FHOD3: variants seen among roughly 807,000 people sequenced by gnomAD.
FHOD3 encodes formin homology 2 domain containing 3.
In FHOD3, 90 loss-of-function variants were observed where a neutral mutation model predicts 173.0. The ratio of observed to expected loss-of-function variants is 0.52; its 90% CI spans 0.44 to 0.62. The LOEUF (loss-of-function observed/expected upper bound fraction) is 0.62, where lower values mean the gene tolerates loss of function less well. Ranked by LOEUF, FHOD3 falls within the 20% of genes least tolerant of loss-of-function variation. FHOD3 has a pLI of 0.00. For synonymous variants in FHOD3, 828 were observed against 823.0 expected (o/e 1.01, Z -0.10); for missense variants, 1,945 against 2,034.7 (o/e 0.96, Z 0.85).
intron 1 of FHOD3, among the ~76,000 whole-genome samples, chr18:36,335,435 C>T (rs1322509278): frequency 1.3e-5 from 2 of 149,656 alleles, no homozygotes; most frequent in African/African-American, 5.0e-5. Context: ...GCAGAGCTTG[C>T]AGTGAGCCGA....
intron 6 of FHOD3, among the ~76,000 whole-genome samples, chr18:36,579,487 T>C (rs2058769868): frequency 6.6e-6 from 1 of 152,174 alleles, no homozygotes; most frequent in African/African-American, 2.4e-5. Context: ...ACATAGAGAA[T>C]GCTGTGGTCT....
At position 36,641,753 on chromosome 18, in the gene FHOD3, C is replaced by T. The variant is rs895834154; in HGVS notation, c.1197-7563C>T. Reference sequence around the variant, plus strand: ...GGTGGATCACTTGAAGTCAGGAGTTCGAGACCAGCCTGGCCAACATGGTGA... The same window carrying T: ...GGTGGATCACTTGAAGTCAGGAGTTTGAGACCAGCCTGGCCAACATGGTGA... On this transcript the variant is annotated intron_variant, in intron 10 of 28. Transcript: ENST00000590592. Among the ~76,000 whole-genome samples the T allele has an allele frequency of 1.4e-4, 22 of 152,094 alleles. 1 individual carries two copies. Among genetic ancestry groups the T allele is most frequent in the African/African-American group, 5.1e-4 (21 of 41,476 alleles).
At chr18:36,666,024 A>G (rs2037157515) in intron 14 of FHOD3, among the ~76,000 whole-genome samples, 1 of 152,238 alleles carries the variant, frequency 6.6e-6, no homozygotes, top group African/African-American at 2.4e-5. Context: ...GTCAGGGCCT[A>G]CAAAGGGGCC....
chr18:36,630,118 A>G (rs2148849883), intron 10 of FHOD3, among the ~76,000 whole-genome samples: 1 of 152,284 alleles, frequency 6.6e-6, no homozygotes, highest in African/African-American at 2.4e-5. Context: ...GGCTATTGGA[A>G]AGGGTAGTTT....
chr18:36,711,512 C>A (rs1259493452), intron 18 of FHOD3: 2 of 152,166 alleles, frequency 1.3e-5, no homozygotes, highest in African/African-American at 4.8e-5. Context: ...TGAATGTCAG[C>A]TTTGTGAGGG....
chr18:36,493,852 A>T (rs978288241), intron 3 of FHOD3, among the ~76,000 whole-genome samples: 1 of 152,198 alleles, frequency 6.6e-6, no homozygotes, highest in Non-Finnish European at 1.5e-5. Context: ...CCCTGAGCAG[A>T]GGAGAGGCTC....
chr18:36,728,855 G>T (rs1295948072), intron 19 of FHOD3, among the ~76,000 whole-genome samples: 1 of 152,182 alleles, frequency 6.6e-6, no homozygotes, highest in African/African-American at 2.4e-5. Context: ...ATGATGAGTG[G>T]CAGTCAGTTG....
chr18:36,472,964 T>A (rs1316155029), intron 3 of FHOD3, among the ~76,000 whole-genome samples: 1 of 152,206 alleles, frequency 6.6e-6, no homozygotes, highest in Non-Finnish European at 1.5e-5. Flanking sequence ...AGGTAGAATT[T>A]TACAACAGGT....
chr18:36,626,653 G>A (rs2034132017), intron 10 of FHOD3, among the ~76,000 whole-genome samples: 1 of 152,160 alleles, frequency 6.6e-6, no homozygotes, highest in South Asian at 2.1e-4. Flanking sequence ...TGATAGTCTG[G>A]AAGCAGGAAG....
chr18:36,487,648 G>T (rs1426735292), intron 3 of FHOD3, among the ~76,000 whole-genome samples: 3 of 152,174 alleles, frequency 2.0e-5, no homozygotes, highest in Non-Finnish European at 2.9e-5. Context: ...TTGAAGTCTG[G>T]CAGAACTTTG....
intron 3 of FHOD3, among the ~76,000 whole-genome samples, chr18:36,436,319 ATTT>A (rs923402182): frequency 3.9e-5 from 6 of 152,030 alleles, no homozygotes; most frequent in African/African-American, 1.4e-4. Context: ...CAGATTGTTG[ATTT>A]TTTTTATTTA....
At position 36,423,170 on chromosome 18, in the gene FHOD3, C is replaced by T. The variant is rs1740738475; in HGVS notation, c.337+50426C>T. On this transcript the variant is annotated intron_variant, in intron 3 of 28. Coordinates refer to ENST00000590592, the MANE Select transcript of FHOD3 (RefSeq NM_001281740.3). ...CATTCTGCTATGCTATGCTATTCTG[C>T]TATGAATTCAAAATTTTTAAGTAAT... Among the ~76,000 whole-genome samples, 6 of 152,040 alleles carry T rather than the reference C, an allele frequency of 3.9e-5. No homozygotes were observed. In the South Asian group the frequency reaches 1.2e-3, roughly 32 times the overall value.
At chr18:36,521,504 C>T (rs568780434) in intron 5 of FHOD3, among the ~76,000 whole-genome samples, 1 of 152,302 alleles carries the variant, frequency 6.6e-6, no homozygotes, top group East Asian at 1.9e-4. Flanking sequence ...ACCCCTTTCT[C>T]TCATTCATTC....
At chr18:36,651,490 C>A (rs1031144118) in intron 11 of FHOD3, among the ~76,000 whole-genome samples, 1 of 152,170 alleles carries the variant, frequency 6.6e-6, no homozygotes, top group Non-Finnish European at 1.5e-5. Flanking sequence ...TGGTGGCTCA[C>A]GCCTGTAATC....
intron 5 of FHOD3, among the ~76,000 whole-genome samples, chr18:36,518,627 A>C (rs8097811): frequency 2.0e-5 from 3 of 152,030 alleles, no homozygotes; most frequent in Non-Finnish European, 4.4e-5. Flanking sequence ...AGGTTTAAAG[A>C]TTGTGAATTA....
chr18:36,682,129 G>T lies in FHOD3; in HGVS notation c.1970+559G>T, dbSNP rs549538724. 6.6e-5 allele frequency among the ~76,000 whole-genome samples: 10 copies of T among 152,246 alleles called. No homozygotes were observed. The East Asian group carries it at 1.5e-3, about 24-fold the overall frequency. ...GTGTTCCTGGCTATAGCTCATTCCA[G>T]GTTCCATATCTTGGCCTGTCTGTCC... On this transcript the variant is annotated intron_variant, in intron 15 of 28. Coordinates refer to ENST00000590592, the MANE Select transcript of FHOD3 (RefSeq NM_001281740.3).
At chr18:36,540,406 G>A (rs1003553590) in intron 5 of FHOD3, among the ~76,000 whole-genome samples, 3 of 152,312 alleles carry the variant, frequency 2.0e-5, no homozygotes, top group Admixed American at 6.5e-5. Flanking sequence ...TCTAGAAGGT[G>A]GGCTTGCTTA....
At chr18:36,600,221 A>G (rs930045995) in intron 7 of FHOD3, among the ~76,000 whole-genome samples, 4 of 150,050 alleles carry the variant, frequency 2.7e-5, no homozygotes, top group South Asian at 2.1e-4. Context: ...TATATGGTTT[A>G]TGATTCCAGT....
intron 6 of FHOD3, among the ~76,000 whole-genome samples, chr18:36,591,539 C>T (rs2059216537): frequency 6.6e-6 from 1 of 152,184 alleles, no homozygotes; most frequent in South Asian, 2.1e-4. Flanking sequence ...CTCTTCGCTG[C>T]TGTGAAGCTT....
Sources: allele counts gnomAD v4.1 joint callset (sites outside exome capture counted in the v4.1 genomes callset), GRCh38; gene constraint gnomAD v4.1.1; transcripts MANE v1.5; gene names NCBI Gene and HGNC (gene_info 2026-07-23, HGNC 2026-07-21).